GATAD2B: variants seen among roughly 807,000 people sequenced by gnomAD.
GATAD2B encodes transcriptional repressor p66-beta.
A neutral mutation model predicts 64.3 loss-of-function variants in GATAD2B; 8 were observed. That is an observed-to-expected ratio of 0.12 (90% CI 0.07 to 0.22). The LOEUF (loss-of-function observed/expected upper bound fraction) is 0.22. Among genes scored for constraint, GATAD2B ranks in the 10% least tolerant of loss-of-function variants. The probability of loss-of-function intolerance (pLI) is 1.00; values close to 1 mark genes in which losing one functional copy is unlikely to be tolerated. For missense variants in GATAD2B, 453 were observed against 752.0 expected, an observed-to-expected ratio of 0.60 and a Z score of 4.65; for synonymous variants, 281 against 271.3, an observed-to-expected ratio of 1.04 and a Z score of -0.35.
At chr1:153,813,702 G>A (rs1208565923) in intron 7 of GATAD2B, among the ~76,000 whole-genome samples, 1 of 152,220 alleles carries the variant, frequency 6.6e-6, no homozygotes, top group Non-Finnish European at 1.5e-5. Flanking sequence ...TTCTGGCTGG[G>A]TGCGGTGGCT....
chr1:153,906,300 T>C (rs1677937163), intron 1 of GATAD2B, among the ~76,000 whole-genome samples: 1 of 151,980 alleles, frequency 6.6e-6, no homozygotes, highest in Non-Finnish European at 1.5e-5. Flanking sequence ...GTGCCTGTAG[T>C]TCCAGCCACT....
chr1:153,814,909 G>C (rs1292284423), intron 7 of GATAD2B, among the ~76,000 whole-genome samples: 1 of 151,084 alleles, frequency 6.6e-6, no homozygotes, highest in Non-Finnish European at 1.5e-5. Context: ...CCAGGAGGTG[G>C]AGGTTGCAGT....
chr1:153,913,313 T>G (rs1407192750), intron 1 of GATAD2B, among the ~76,000 whole-genome samples: 1 of 152,170 alleles, frequency 6.6e-6, no homozygotes, highest in African/African-American at 2.4e-5. Flanking sequence ...TCAAAGGTAT[T>G]GTTCCTTTTC....
chr1:153,856,748 T>C (rs917855238), intron 1 of GATAD2B, among the ~76,000 whole-genome samples: 2 of 151,488 alleles, frequency 1.3e-5, no homozygotes, highest in South Asian at 2.1e-4. Context: ...CTCTAATAAA[T>C]AAACCAACTA....
chr1:153,867,992 A>T (rs1207108189), intron 1 of GATAD2B, among the ~76,000 whole-genome samples: 1 of 152,194 alleles, frequency 6.6e-6, no homozygotes, highest in Non-Finnish European at 1.5e-5. Context: ...TGAGGTCAGG[A>T]GTTCAAGACC....
At chr1:153,865,337 T>C (rs1481622952) in intron 1 of GATAD2B, among the ~76,000 whole-genome samples, 1 of 152,018 alleles carries the variant, frequency 6.6e-6, no homozygotes, top group Non-Finnish European at 1.5e-5. Flanking sequence ...AGCACGTGCC[T>C]GTAGTCCCAC....
At position 153,816,135 on chromosome 1, in the gene GATAD2B, A is replaced by G. The variant is rs964098088; in HGVS notation, c.1216+138T>C. 3.2e-6 allele frequency: 2 copies of G among 622,196 alleles called. No individual in the cohort carries two copies. The highest frequency in any genetic ancestry group is 1.8e-5 in the African/African-American group (1 of 54,318). 38.5% of individuals were successfully genotyped at this position (622,196 alleles called of 1,614,324 possible). A position where few individuals can be genotyped will look rare whatever the true frequency, so the allele number is the denominator to read the frequency against. ...TAACATGTTGCTCCCAAACAGCTGT[A>G]AAGAAGGGAGGGAGGTGGTTTGGTA... On this transcript the variant is annotated intron_variant, in intron 7 of 10. Coordinates refer to ENST00000368655, the MANE Select transcript of GATAD2B (RefSeq NM_020699.4). This position sits in a 1 kb window ranked among gnomAD's most constrained non-coding sequence, Gnocchi z 4.9.
intron 1 of GATAD2B, among the ~76,000 whole-genome samples, chr1:153,892,155 C>A (rs1192770655): frequency 1.5e-5 from 2 of 134,098 alleles, no homozygotes; most frequent in Admixed American, 1.6e-4. Context: ...CAGAGTGAGA[C>A]TCCGTCTCAA....
intron 1 of GATAD2B, among the ~76,000 whole-genome samples, chr1:153,840,953 G>A (rs957434659): frequency 7.2e-5 from 11 of 151,758 alleles, no homozygotes; most frequent in African/African-American, 2.7e-4. Flanking sequence ...GTGAAACCCC[G>A]TCTCTACTAA....
chr1:153,873,088 A>G (rs1428753645), intron 1 of GATAD2B, among the ~76,000 whole-genome samples: 1 of 152,056 alleles, frequency 6.6e-6, no homozygotes, highest in South Asian at 2.1e-4. Flanking sequence ...TTGCTTTTGG[A>G]TATCACTGCA....
intron 2 of GATAD2B, among the ~76,000 whole-genome samples, chr1:153,823,734 G>GT (rs1674765845): frequency 1.4e-5 from 2 of 145,216 alleles, no homozygotes; most frequent in African/African-American, 5.2e-5. Context: ...TTGTTTTTTT[G>GT]TTTGTTTTTT....
At chr1:153,855,333 AT>A (rs2101914614) in intron 1 of GATAD2B, among the ~76,000 whole-genome samples, 1 of 151,700 alleles carries the variant, frequency 6.6e-6, no homozygotes, top group Non-Finnish European at 1.5e-5. Flanking sequence ...GGCTCAAGTG[AT>A]TCTCTCACCT....
intron 1 of GATAD2B, among the ~76,000 whole-genome samples, chr1:153,875,836 T>C (rs1483016150): frequency 6.6e-6 from 1 of 152,134 alleles, no homozygotes; most frequent in Non-Finnish European, 1.5e-5. Flanking sequence ...TGCGCTAAAG[T>C]GCTTCACAAT....
chr1:153,886,522 C>CTTTTTTT (rs960423174), intron 1 of GATAD2B: 4 of 113,938 alleles, frequency 3.5e-5, no homozygotes, highest in Non-Finnish European at 5.3e-5. Context: ...AATAGTTTTC[C>CTTTTTTT]TTTTTTTTTT....
intron 1 of GATAD2B, among the ~76,000 whole-genome samples, chr1:153,849,119 T>C (rs1363518237): frequency 6.6e-6 from 1 of 152,196 alleles, no homozygotes; most frequent in Non-Finnish European, 1.5e-5. Context: ...CCCAGGTAGC[T>C]GGGGCTATGG....
chr1:153,852,889 G>C lies in GATAD2B; in HGVS notation c.-1-24541C>G, dbSNP rs149377677. ...TACCAAGAGCTCTGATTTGGTGAGC[G>C]CATGTTCCAAGCCACTGCTCATGAG... On this transcript the variant is annotated intron_variant, in intron 1 of 10. Coordinates refer to ENST00000368655, the MANE Select transcript of GATAD2B (RefSeq NM_020699.4). 354 of 774,212 alleles carry C rather than the reference G, an allele frequency of 4.6e-4. 1 individual carries two copies. In the East Asian group the frequency reaches 7.9e-3, roughly 17 times the overall value. The allele number at this position is 774,212 out of a possible 1,614,324, so 48.0% of individuals were successfully genotyped here. A position where few individuals can be genotyped will look rare whatever the true frequency, so the allele number is the denominator to read the frequency against.
In GATAD2B at chr1:153,904,039, G is replaced by A. The variant is rs117113214; in HGVS notation, c.-2+18694C>T. Among the ~76,000 whole-genome samples the A allele has an allele frequency of 3.9e-3, 598 of 152,178 alleles. 35 individuals are homozygous for A. In the East Asian group the frequency reaches 0.1, roughly 27 times the overall value. ...CTCACGCCTGTAATCCCAGCACTTCGGGAAGGTAAGGCGGGTGGATCACGA... is the reference window on the plus strand; with the variant it reads ...CTCACGCCTGTAATCCCAGCACTTCAGGAAGGTAAGGCGGGTGGATCACGA... On this transcript the variant is annotated intron_variant, in intron 1 of 10. Coordinates refer to ENST00000368655, the MANE Select transcript of GATAD2B (RefSeq NM_020699.4).
At chr1:153,898,260 C>T (rs1326980100) in intron 1 of GATAD2B, among the ~76,000 whole-genome samples, 1 of 135,966 alleles carries the variant, frequency 7.4e-6, no homozygotes, top group African/African-American at 2.8e-5. Context: ...TGAGCTATGA[C>T]TGCACCACTG....
At chr1:153,856,546 A>C (rs1407778774) in intron 1 of GATAD2B, among the ~76,000 whole-genome samples, 4 of 152,204 alleles carry the variant, frequency 2.6e-5, no homozygotes, top group African/African-American at 9.7e-5. Context: ...AAATTTAAAA[A>C]CTAAAAACAT....
Sources: allele counts gnomAD v4.1 joint callset (sites outside exome capture counted in the v4.1 genomes callset), GRCh38; gene constraint gnomAD v4.1.1; non-coding constraint Gnocchi (gnomAD v3.1); transcripts MANE v1.5; gene names NCBI Gene and HGNC (gene_info 2026-07-23, HGNC 2026-07-21).